Variants in MMP7 observed in about 807,000 individuals in gnomAD.
The protein encoded by MMP7 is matrilysin.
A neutral mutation model predicts 31.5 loss-of-function variants in MMP7; 26 were observed. The observed-to-expected ratio is 0.83, with a 90% confidence interval of 0.61 to 1.15. The LOEUF is 1.15. Ranked by LOEUF, MMP7 falls within the 50% of genes most tolerant of loss-of-function variation. The probability of loss-of-function intolerance (pLI) is 0.00; values close to 1 mark genes in which losing one functional copy is unlikely to be tolerated. For synonymous variants in MMP7, 142 were observed against 124.2 expected (o/e 1.14, Z -0.95); for missense variants, 367 against 326.5 (o/e 1.12, Z -0.96).
chr11:102,525,704 G>A (rs1858662580), intron 3 of MMP7, among the ~76,000 whole-genome samples: 1 of 151,684 alleles, frequency 6.6e-6, no homozygotes, highest in Admixed American at 6.6e-5. Context: ...AAAGGGTGGT[G>A]GGAGGGAGAA....
chr11:102,524,773 T>A, intron 4 of MMP7, 163 bp downstream of exon 4: 1 of 681,426 alleles, frequency 1.5e-6, no homozygotes, highest in Non-Finnish European at 2.1e-6. Context: ...GTGTGTAGCA[T>A]TATGAGTATA....
chr11:102,523,216 C>CTTA (rs1453506783), intron 5 of MMP7, 24 bp downstream of exon 5: 1 of 1,548,644 alleles, frequency 6.5e-7, no homozygotes, highest in Non-Finnish European at 8.8e-7. Context: ...GGGAAATCCT[C>CTTA]TTATTTGAAA....
Position 102,527,580 on chromosome 11 carries a change from TGC to T in MMP7, c.426_427del (p.His143PhefsTer10). 1 of 1,614,170 alleles carries T rather than the reference TGC, an allele frequency of 6.2e-7. No homozygotes were observed. Among genetic ancestry groups the T allele is most frequent in the Non-Finnish European group, 8.5e-7 (1 of 1,180,022 alleles). On this transcript the variant is annotated frameshift_variant, in exon 3 of 6. Transcript: ENST00000260227. LOFTEE classifies it high-confidence loss of function. Reference sequence around the variant, plus strand: ...AGTTCCCCATACAACTTTCCTGAAATGCAGGGGGATCTCTTTGCCCCACATGT... The same window carrying T: ...AGTTCCCCATACAACTTTCCTGAAATAGGGGGATCTCTTTGCCCCACATGT...
rs1168452441 is a variant in MMP7 at position 102,527,633 on chromosome 11, C to T, written c.375G>A (p.Val125=). The change falls in exon 3 of 6, where the codon GTG becomes GTA. Residue 125 remains valine (V), a synonymous_variant. Coordinates refer to ENST00000260227, the MANE Select transcript of MMP7 (RefSeq NM_002423.5). ...SYTRDLPHIT[V]DRLVSKALNM... ...TTAAAGCCTTTGACACTAATCGATC[C>T]ACTGTAATATGCGGTAAGTCTCGAG... The T allele has an allele frequency of 1.9e-6, 3 of 1,614,098 alleles. No individual in the cohort carries two copies. The Admixed American group carries it at 5.0e-5, about 27-fold the overall frequency.
At chr11:102,527,468 T>C (rs768192189) in intron 3 of MMP7, 56 bp downstream of exon 3, 39 of 1,607,364 alleles carry the variant, frequency 2.4e-5, no homozygotes, top group Non-Finnish European at 3.2e-5. Context: ...AGCACTGATA[T>C]AAACCATGAA....
Position 102,525,075 on chromosome 11 carries a change from A to T in MMP7, c.485-11T>A. ...AGGAGTCCCCATGAGCTGAAAGAAAATGGAGTGATTGTTCTTAGTGACTGA... is the reference window on the plus strand; with the variant it reads ...AGGAGTCCCCATGAGCTGAAAGAAATTGGAGTGATTGTTCTTAGTGACTGA... On this transcript the variant is annotated splice_polypyrimidine_tract_variant and intron_variant, in intron 3 of 5. Transcript: ENST00000260227. 1 of 1,590,692 alleles carries T rather than the reference A, an allele frequency of 6.3e-7. No individual in the cohort carries two copies. The highest frequency in any genetic ancestry group is 1.2e-5 in the South Asian group (1 of 86,624).
At chr11:102,526,391 C>T (rs903360390) in intron 3 of MMP7, among the ~76,000 whole-genome samples, 7 of 151,918 alleles carry the variant, frequency 4.6e-5, no homozygotes, top group African/African-American at 1.7e-4. Flanking sequence ...AGGCATGCGT[C>T]ACCATGCTCA....
intron 5 of MMP7, among the ~76,000 whole-genome samples, chr11:102,521,243 G>A (rs1039589679): frequency 1.3e-5 from 2 of 152,142 alleles, no homozygotes; most frequent in South Asian, 2.1e-4. Context: ...TGTTGCCCAG[G>A]CTGGATTGCA....
At chr11:102,526,097 A>G (rs1192378245) in intron 3 of MMP7, among the ~76,000 whole-genome samples, 1 of 151,760 alleles carries the variant, frequency 6.6e-6, no homozygotes, top group African/African-American at 2.4e-5. Context: ...TGCACCATGA[A>G]ACACTAGCAA....
In MMP7 at chr11:102,520,602, C is replaced by T; in HGVS notation, c.*174G>A. The T allele has an allele frequency of 1.9e-6, 1 of 533,416 alleles. No individual in the cohort carries two copies. The allele number at this position is 533,416 out of a possible 1,614,324, so 33.0% of individuals were successfully genotyped here. A position where few individuals can be genotyped will look rare whatever the true frequency, so the allele number is the denominator to read the frequency against. On this transcript the variant is annotated 3_prime_UTR_variant, in exon 6 of 6. Coordinates refer to ENST00000260227, the MANE Select transcript of MMP7 (RefSeq NM_002423.5). Reference sequence around the variant, plus strand: ...AGTATAGATGAATAAGACACAGTCACACCATAAAGGAGTTTATCCTTAAAA... The same window carrying T: ...AGTATAGATGAATAAGACACAGTCATACCATAAAGGAGTTTATCCTTAAAA...
chr11:102,527,696 G>A (rs758789335), intron 2 of MMP7, 24 bp from the exon 3 acceptor site: 3 of 1,607,762 alleles, frequency 1.9e-6, no homozygotes, highest in Admixed American at 3.4e-5. Context: ...AGAAAACAAT[G>A]TTTGACCCCT....
intron 1 of MMP7, among the ~76,000 whole-genome samples, chr11:102,529,399 C>G (rs1858707656): frequency 6.6e-6 from 1 of 152,136 alleles, no homozygotes; most frequent in African/African-American, 2.4e-5. Context: ...GATGACTTTT[C>G]CTGTTTTTTT....
chr11:102,525,290 T>A (rs139082070), intron 3 of MMP7, among the ~76,000 whole-genome samples: 1 of 151,706 alleles, frequency 6.6e-6, no homozygotes, highest in Non-Finnish European at 1.5e-5. Flanking sequence ...ATACAAAAAT[T>A]TGGACATGGT....
At chr11:102,530,527 G>C in intron 1 of MMP7, 66 bp downstream of exon 1, 1 of 1,319,840 alleles carries the variant, frequency 7.6e-7, no homozygotes, top group African/African-American at 1.4e-5. Flanking sequence ...GGAAATAATT[G>C]AAAAACACAT....
In MMP7 at chr11:102,527,623, C is replaced by G; in HGVS notation, c.385G>C (p.Val129Leu). 1 of 1,614,142 alleles carries G rather than the reference C, an allele frequency of 6.2e-7. No homozygotes were observed. Among genetic ancestry groups the G allele is most frequent in the Non-Finnish European group, 8.5e-7 (1 of 1,180,008 alleles). Residue 129 changes from valine (V) to leucine (L), a missense_variant, in exon 3 of 6, where the codon GTG (valine) becomes CTG (leucine). Val to Leu is a conservative substitution (Grantham distance 32). Transcript: ENST00000260227. ...DLPHITVDRL[V>L]SKALNMWGKE... The stretch of plus-strand genomic sequence containing the variant: ...CCCCACATGTTTAAAGCCTTTGACA[C>G]TAATCGATCCACTGTAATATGCGGT...
chr11:102,530,591 A>G lies in MMP7; in HGVS notation c.108+2T>C, dbSNP rs775929148. 1 of 1,612,278 alleles carries G rather than the reference A, an allele frequency of 6.2e-7. No individual in the cohort carries two copies. The highest frequency in any genetic ancestry group is 1.1e-5 in the South Asian group (1 of 91,006). On this transcript the variant is annotated splice_donor_variant, in intron 1 of 5. Coordinates refer to ENST00000260227, the MANE Select transcript of MMP7 (RefSeq NM_002423.5). LOFTEE classifies it high-confidence loss of function. ...ACCCTAAGTAAGTGGGCTGTGACAT[A>G]CCTGAGCCTGTTCCCACTGTAGCTC...
At chr11:102,528,074 G>T in intron 1 of MMP7, 91 bp from the exon 2 acceptor site, 1 of 880,408 alleles carries the variant, frequency 1.1e-6, no homozygotes, top group South Asian at 1.7e-5. Context: ...TGGTTCCTGT[G>T]AATTCAAATA....
Position 102,525,101 on chromosome 11 carries a change from T to A in MMP7, c.485-37A>T, listed in dbSNP as rs760191632. ...TGGAGTGATTGTTCTTAGTGACTGA[T>A]TTTTTTTTTCTCCAGTCATTTTATT... is the stretch of plus-strand genomic sequence containing the variant. On this transcript the variant is annotated intron_variant, in intron 3 of 5. Coordinates refer to ENST00000260227, the MANE Select transcript of MMP7 (RefSeq NM_002423.5). The A allele has an allele frequency of 5.3e-5, 78 of 1,475,806 alleles. 1 individual carries two copies. The Admixed American group carries it at 1.7e-3, about 32-fold the overall frequency. The allele number at this position is 1,475,806 out of a possible 1,614,324, so 91.4% of individuals were successfully genotyped here.
intron 3 of MMP7, chr11:102,527,286 A>G: frequency 2.0e-6 from 1 of 506,926 alleles, no homozygotes; most frequent in Non-Finnish European, 3.5e-6. Context: ...ATTTACAAAA[A>G]CAGAAGGTGG....
Sources: allele counts gnomAD v4.1 joint callset (sites outside exome capture counted in the v4.1 genomes callset), GRCh38; gene constraint gnomAD v4.1.1; transcripts MANE v1.5; gene names NCBI Gene and HGNC (gene_info 2026-07-23, HGNC 2026-07-21).